The following CCDC169 variants were observed in gnomAD, a reference collection of about 807,000 sequenced individuals.
The protein encoded by CCDC169 is coiled-coil domain containing 169.
In CCDC169, 30 loss-of-function variants were observed where a neutral mutation model predicts 36.0. That is an observed-to-expected ratio of 0.83 (90% confidence interval 0.62 to 1.13). CCDC169 has a LOEUF of 1.13. CCDC169 is among the 50% of genes most tolerant of loss of function. The pLI, the probability that CCDC169 is intolerant of heterozygous loss-of-function variation, is 0.00. For synonymous variants in CCDC169, 85 were observed against 81.5 expected (o/e 1.04, Z -0.23); for missense variants, 245 against 245.9 (o/e 1.00, Z 0.03).
chr13:36,262,780 T>C (rs1450132470), intron 4 of CCDC169, among the ~76,000 whole-genome samples: 1 of 152,220 alleles, frequency 6.6e-6, no homozygotes, highest in East Asian at 1.9e-4. Flanking sequence ...TTTCTTGAAC[T>C]ATGTCTCTGT....
At chr13:36,251,222 A>T (rs935771313) in intron 6 of CCDC169, among the ~76,000 whole-genome samples, 1 of 152,220 alleles carries the variant, frequency 6.6e-6, no homozygotes, top group Admixed American at 6.5e-5. Context: ...CACTCAGCAA[A>T]TAGCTCTAGT....
intron 7 of CCDC169, 70 bp downstream of exon 7, chr13:36,248,536 C>T (rs926819935): frequency 2.3e-5 from 33 of 1,415,264 alleles, no homozygotes; most frequent in Non-Finnish European, 3.2e-5. Context: ...ATATAGTGGA[C>T]ACCTGTTTTG....
At chr13:36,236,827 A>G (rs1871133993) in intron 7 of CCDC169, among the ~76,000 whole-genome samples, 1 of 152,054 alleles carries the variant, frequency 6.6e-6, no homozygotes, top group African/African-American at 2.4e-5. Flanking sequence ...CAAAGAAGAT[A>G]CAGTTGTCCC....
intron 4 of CCDC169, among the ~76,000 whole-genome samples, chr13:36,265,349 C>A (rs1004345835): frequency 2.9e-4 from 44 of 152,322 alleles, no homozygotes; most frequent in Middle Eastern, 6.8e-3. Context: ...CAAGGAGTCA[C>A]AAACTGATCA....
intron 1 of CCDC169, 108 bp downstream of exon 1, chr13:36,297,529 C>T: frequency 2.8e-6 from 3 of 1,081,866 alleles, no homozygotes; most frequent in Non-Finnish European, 4.1e-6. Flanking sequence ...AGGGGTTAAT[C>T]ACGGCGCCGG....
intron 4 of CCDC169, among the ~76,000 whole-genome samples, chr13:36,282,219 C>T (rs949032799): frequency 5.9e-5 from 9 of 152,136 alleles, no homozygotes; most frequent in African/African-American, 1.7e-4. Context: ...CATACTCTAT[C>T]CCACAAAAGC....
At chr13:36,281,116 C>T in intron 4 of CCDC169, 1 of 353,694 alleles carries the variant, frequency 2.8e-6, no homozygotes, top group South Asian at 2.2e-5. Flanking sequence ...CGTGAAGCAG[C>T]TGAGAAGGCG....
At chr13:36,243,635 T>C (rs9546858) in intron 7 of CCDC169, among the ~76,000 whole-genome samples, 61,464 of 151,712 alleles carry the variant, frequency 0.41, 13,222 homozygotes, top group Non-Finnish European at 0.48. Context: ...GAAGAAACCC[T>C]GTCTCTACTA....
At chr13:36,239,343 G>T (rs758193264) in intron 7 of CCDC169, among the ~76,000 whole-genome samples, 1 of 152,114 alleles carries the variant, frequency 6.6e-6, no homozygotes, top group Non-Finnish European at 1.5e-5. Context: ...GAATATATAT[G>T]TGGGTATAGG....
chr13:36,238,486 G>A (rs1871345798), intron 7 of CCDC169, among the ~76,000 whole-genome samples: 1 of 151,640 alleles, frequency 6.6e-6, no homozygotes, highest in Non-Finnish European at 1.5e-5. Flanking sequence ...ATGTGCTTTG[G>A]GAATAATCCA....
At chr13:36,287,825 C>CA (rs1369236727) in intron 2 of CCDC169, among the ~76,000 whole-genome samples, 1 of 151,696 alleles carries the variant, frequency 6.6e-6, no homozygotes, top group Non-Finnish European at 1.5e-5. Context: ...TAAACTCAAC[C>CA]AAAAACAGAA....
intron 4 of CCDC169, among the ~76,000 whole-genome samples, chr13:36,257,612 T>C (rs1874066877): frequency 1.3e-5 from 2 of 151,570 alleles, no homozygotes; most frequent in African/African-American, 2.4e-5. Context: ...CTGAGGCAAG[T>C]GAGTCGCTTG....
rs773880451 is a variant in CCDC169, at chr13:36,254,130, G to A, written c.329C>T (p.Thr110Ile). 2 of 1,531,536 alleles carry A rather than the reference G, an allele frequency of 1.3e-6. No homozygotes were observed. The highest frequency in any genetic ancestry group is 1.2e-5 in the South Asian group (1 of 80,480). 94.9% of individuals were successfully genotyped at this position (1,531,536 alleles called of 1,614,324 possible). A position where few individuals can be genotyped will look rare whatever the true frequency, so the allele number is the denominator to read the frequency against. The change falls in exon 5 of 8, where the codon ACA (threonine) becomes ATA (isoleucine). Residue 110 changes from threonine (T) to isoleucine (I), a missense_variant. By Grantham distance (89) the Thr-to-Ile change is moderately conservative. Coordinates refer to ENST00000239859, the MANE Select transcript of CCDC169 (RefSeq NM_001144981.3). ...YERMPVESLN[T>I]LLKQLEEEKK... ...TTCTTCTTCTAGCTGTTTAAGTAAT[G>A]TGTTTAAGGATTCCTAAAAATATAA...
chr13:36,285,584 A>AAGATAGATAGATAGAT (rs367836854), intron 2 of CCDC169, among the ~76,000 whole-genome samples: 4,289 of 138,084 alleles, frequency 0.031, 82 homozygotes, highest in African/African-American at 0.042. Flanking sequence ...AAAATAAAAT[A>AAGATAGATAGATAGAT]AGATAGATAG....
At chr13:36,269,236 C>A (rs1440833321) in intron 4 of CCDC169, among the ~76,000 whole-genome samples, 1 of 152,030 alleles carries the variant, frequency 6.6e-6, no homozygotes, top group African/African-American at 2.4e-5. Context: ...AAATGGAAAC[C>A]CTCAACAGAT....
intron 4 of CCDC169, among the ~76,000 whole-genome samples, chr13:36,263,570 G>A (rs1292641448): frequency 2.6e-5 from 4 of 152,090 alleles, no homozygotes; most frequent in African/African-American, 9.7e-5. Context: ...AGGTGAAACA[G>A]GACAAGTTCC....
downstream of CCDC169, chr13:36,226,944 A>G (rs900662572): frequency 9.5e-6 from 4 of 422,316 alleles, no homozygotes; most frequent in African/African-American, 8.0e-5. Flanking sequence ...TGAATCTAAA[A>G]TAAAAATTGA....
At chr13:36,278,890 A>C (rs1260339243) in intron 4 of CCDC169, among the ~76,000 whole-genome samples, 1 of 152,216 alleles carries the variant, frequency 6.6e-6, no homozygotes, top group Non-Finnish European at 1.5e-5. Context: ...ATACACACAA[A>C]CAAAACTAAA....
chr13:36,247,878 C>G (rs1872689138), intron 7 of CCDC169, among the ~76,000 whole-genome samples: 1 of 152,152 alleles, frequency 6.6e-6, no homozygotes, highest in Non-Finnish European at 1.5e-5. Context: ...GGGTAAAATG[C>G]TATCAAACCA....
Sources: allele counts gnomAD v4.1 joint callset (sites outside exome capture counted in the v4.1 genomes callset), GRCh38; gene constraint gnomAD v4.1.1; transcripts MANE v1.5; gene names NCBI Gene and HGNC (gene_info 2026-07-23, HGNC 2026-07-21).